The following BRINP2 variants were observed in gnomAD, a reference collection of about 807,000 sequenced individuals.
BRINP2 encodes BMP/retinoic acid-inducible neural-specific protein 2.
Under a neutral mutation model 69.2 loss-of-function variants are expected in BRINP2, and 21 were observed. The observed-to-expected ratio is 0.30, with a 90% CI of 0.22 to 0.44. The LOEUF (loss-of-function observed/expected upper bound fraction) is 0.44. BRINP2 is among the 20% of genes least tolerant of loss of function. The probability of loss-of-function intolerance (pLI) is 1.00; values close to 1 mark genes in which losing one functional copy is unlikely to be tolerated. For missense variants in BRINP2, 877 were observed against 986.0 expected (o/e 0.89, Z 1.48); for synonymous variants, 380 against 394.1 (o/e 0.96, Z 0.42).
intron 1 of BRINP2, among the ~76,000 whole-genome samples, chr1:177,183,137 C>CTTTTTTGTTT (rs1648311615): frequency 1.8e-5 from 1 of 54,302 alleles, no homozygotes; most frequent in Non-Finnish European, 3.4e-5. Context: ...AGTGTGTGAG[C>CTTTTTTGTTT]TTTTTTTTTT....
At chr1:177,238,302 A>G (rs1032287389) in intron 2 of BRINP2, among the ~76,000 whole-genome samples, 1 of 152,248 alleles carries the variant, frequency 6.6e-6, no homozygotes, top group Non-Finnish European at 1.5e-5. Context: ...CTCACAAGGA[A>G]CTGAAGATAA....
Position 177,221,304 on chromosome 1 carries a change from C to T in BRINP2, c.-76-8497C>T, listed in dbSNP as rs1266607626. ...TGGTACACAGTAACTAATATGTAAA[C>T]ATAATTAGAGGTGATTATAATGGCA... On this transcript the variant is annotated intron_variant, in intron 1 of 7. Transcript: ENST00000361539. Among the ~76,000 whole-genome samples, 4 of 152,138 alleles carry T rather than the reference C, an allele frequency of 2.6e-5. No homozygotes were observed. In the East Asian group the frequency reaches 7.7e-4, roughly 29 times the overall value.
chr1:177,226,165 AG>A lies in BRINP2; in HGVS notation c.-76-3631del, dbSNP rs1649683868. Among the ~76,000 whole-genome samples, 4 of 152,192 alleles carry A rather than the reference AG, an allele frequency of 2.6e-5. 1 individual carries two copies. In the South Asian group the frequency reaches 8.3e-4, roughly 32 times the overall value. On this transcript the variant is annotated intron_variant, in intron 1 of 7. Transcript: ENST00000361539. ...CTTAGAAACCTTCTCCTGCTAGGTG[AG>A]GGGGTGACTACACCACCATATTGCA...
chr1:177,181,829 T>C (rs1476488212), intron 1 of BRINP2, among the ~76,000 whole-genome samples: 1 of 152,150 alleles, frequency 6.6e-6, no homozygotes, highest in African/African-American at 2.4e-5. Context: ...GGCAGCCTCC[T>C]CCGGAAGCCT....
chr1:177,232,590 G>C (rs765917106), intron 2 of BRINP2, among the ~76,000 whole-genome samples: 3 of 152,106 alleles, frequency 2.0e-5, no homozygotes, highest in African/African-American at 7.2e-5. Context: ...TGGCTCATGC[G>C]CACTTGTAGG....
rs539216645 is a variant in BRINP2, at chr1:177,219,140, T to C, written c.-76-10661T>C. Among the ~76,000 whole-genome samples, 9 of 152,362 alleles carry C rather than the reference T, an allele frequency of 5.9e-5. No homozygotes were observed. In the South Asian group the frequency reaches 1.9e-3, roughly 32 times the overall value. On this transcript the variant is annotated intron_variant, in intron 1 of 7. Transcript: ENST00000361539. ...GCCAGTGAGCCTTGGACCATACTTT[T>C]AGAAATGATGCTTTGTGGTCAGCAA...
chr1:177,268,912 T>G (rs1651216713), intron 4 of BRINP2, among the ~76,000 whole-genome samples: 1 of 152,216 alleles, frequency 6.6e-6, no homozygotes. Flanking sequence ...TCTATGACCT[T>G]GAGAAGTCAT....
intron 1 of BRINP2, among the ~76,000 whole-genome samples, chr1:177,194,701 T>G (rs924140476): frequency 2.6e-5 from 4 of 152,144 alleles, no homozygotes; most frequent in Non-Finnish European, 4.4e-5. Flanking sequence ...TTCCGTACAT[T>G]TATGGGTGTC....
chr1:177,198,965 G>A (rs1051694075), intron 1 of BRINP2, among the ~76,000 whole-genome samples: 5 of 151,992 alleles, frequency 3.3e-5, no homozygotes, highest in Admixed American at 2.0e-4. Flanking sequence ...TATACTCACA[G>A]ATACATGAAC....
chr1:177,256,788 A>T, intron 3 of BRINP2: 1 of 1,128,768 alleles, frequency 8.9e-7, no homozygotes, highest in Admixed American at 4.1e-5. Context: ...GATGGGGAGG[A>T]GGGAGATGCC....
At chr1:177,230,370 T>G (rs186562802) in intron 2 of BRINP2, among the ~76,000 whole-genome samples, 1 of 152,308 alleles carries the variant, frequency 6.6e-6, no homozygotes, top group East Asian at 1.9e-4. Flanking sequence ...TGATACCTCC[T>G]GGGGAACTTA....
intron 4 of BRINP2, among the ~76,000 whole-genome samples, chr1:177,262,284 C>T (rs568245729): frequency 6.9e-4 from 105 of 152,110 alleles, no homozygotes; most frequent in Middle Eastern, 3.4e-3. Flanking sequence ...GAGGCCAAGG[C>T]GGGTGGATCA....
intron 1 of BRINP2, among the ~76,000 whole-genome samples, chr1:177,210,265 T>C (rs974810724): frequency 5.3e-5 from 8 of 152,182 alleles, no homozygotes; most frequent in African/African-American, 1.9e-4. Flanking sequence ...TTTCTATATT[T>C]ACTCACCTAA....
intron 1 of BRINP2, among the ~76,000 whole-genome samples, chr1:177,216,782 T>TC (rs1349283852): frequency 1.3e-5 from 2 of 150,936 alleles, no homozygotes; most frequent in African/African-American, 4.8e-5. Flanking sequence ...GTTGGTAGTT[T>TC]TTTTTTTTTT....
At chr1:177,200,206 C>T (rs1443073448) in intron 1 of BRINP2, among the ~76,000 whole-genome samples, 4 of 142,448 alleles carry the variant, frequency 2.8e-5, no homozygotes, top group Non-Finnish European at 6.0e-5. Context: ...GCAGGAGAAT[C>T]GCTTGAACCC....
intron 6 of BRINP2, among the ~76,000 whole-genome samples, chr1:177,277,759 A>AT (rs1313126788): frequency 6.6e-6 from 1 of 151,970 alleles, no homozygotes; most frequent in Non-Finnish European, 1.5e-5. Context: ...CTTTACTACT[A>AT]TGAGTTACTG....
chr1:177,218,194 G>A (rs553783711), intron 1 of BRINP2, among the ~76,000 whole-genome samples: 2 of 152,224 alleles, frequency 1.3e-5, no homozygotes, highest in African/African-American at 4.8e-5. Context: ...AGGCTACAGG[G>A]AGTGTAGATT....
intron 1 of BRINP2, among the ~76,000 whole-genome samples, chr1:177,185,242 A>G (rs1648393386): frequency 2.0e-5 from 3 of 152,306 alleles, no homozygotes; most frequent in Non-Finnish European, 4.4e-5. Context: ...CACTTATCAC[A>G]TTAGACCGGT....
At position 177,257,284 on chromosome 1, in the gene BRINP2, C is replaced by T. The variant is rs1199740078; in HGVS notation, c.569C>T (p.Ser190Phe). The T allele has an allele frequency of 6.2e-7, 1 of 1,614,056 alleles. No homozygotes were observed. Among genetic ancestry groups the T allele is most frequent in the Admixed American group, 1.7e-5 (1 of 60,010 alleles). Residue 190 changes from serine (S) to phenylalanine (F), a missense_variant, in exon 4 of 8, where the codon TCC becomes TTC. Ser to Phe is a radical substitution (Grantham distance 155). Around this residue, in one of 3 missense-constraint regions of BRINP2, gnomAD observed 566 missense variants for 625.2 expected, o/e 0.91. Transcript: ENST00000361539. Reference sequence around the variant, plus strand: ...GGCAGTGGGAACAGCACAGCTGTGTCCCTGGAGACCCTGCACCAGCTGGCC... The same window carrying T: ...GGCAGTGGGAACAGCACAGCTGTGTTCCTGGAGACCCTGCACCAGCTGGCC... ...IGGSGNSTAV[S>F]LETLHQLAAS...
Sources: gnomAD v4.1 joint callset for allele counts (sites outside exome capture counted in the v4.1 genomes callset) on GRCh38, gnomAD v4.1.1 for gene constraint, gnomAD v4.1.1 regional missense constraint, MANE v1.5 for transcripts, NCBI Gene and HGNC (gene_info 2026-07-23, HGNC 2026-07-21) for gene names.